Variants in ADARB2 observed in about 807,000 individuals in gnomAD.
ADARB2 encodes the protein inactive double-stranded RNA-specific editase B2.
In ADARB2, 25 loss-of-function variants were observed where a neutral mutation model predicts 62.2. That is an observed-to-expected ratio of 0.40 (90% CI 0.29 to 0.56). ADARB2 has a LOEUF of 0.56. ADARB2 is among the 20% of genes least tolerant of loss of function. The pLI, the probability that ADARB2 is intolerant of heterozygous loss-of-function variation, is 0.43. For missense variants in ADARB2, 1,071 were observed against 1,077.4 expected, an observed-to-expected ratio of 0.99 and a Z score of 0.08; for synonymous variants, 572 against 500.8, an observed-to-expected ratio of 1.14 and a Z score of -1.90.
chr10:1,303,525 G>C (rs557043010), intron 3 of ADARB2, among the ~76,000 whole-genome samples: 111 of 152,236 alleles, frequency 7.3e-4, no homozygotes, highest in African/African-American at 2.5e-3. Flanking sequence ...GAAATACAGA[G>C]AATGCCACAA....
chr10:1,695,845 CAT>C (rs111880709), intron 1 of ADARB2, among the ~76,000 whole-genome samples: 13,811 of 151,674 alleles, frequency 0.091, 762 homozygotes, highest in African/African-American at 0.15. Flanking sequence ...TGTGTGTGTA[CAT>C]GTGTGCATCC....
intron 1 of ADARB2, among the ~76,000 whole-genome samples, chr10:1,435,740 A>T (rs1461337801): frequency 6.6e-6 from 1 of 152,126 alleles, no homozygotes; most frequent in Non-Finnish European, 1.5e-5. Context: ...CCTGGCTGCC[A>T]CCTGCCTCCC....
At position 1,347,154 on chromosome 10, in the gene ADARB2, G is replaced by A. The variant is rs575819646; in HGVS notation, c.1077+15874C>T. 1.1e-4 allele frequency among the ~76,000 whole-genome samples: 16 copies of A among 152,292 alleles called. No individual in the cohort carries two copies. In the South Asian group the frequency reaches 2.3e-3, roughly 22 times the overall value. ...GGTTCTGCTCTGACTTCCCAGCCCC[G>A]CACGCCAGCCCTCAACGTGTTACTC... On this transcript the variant is annotated intron_variant, in intron 3 of 9. Transcript: ENST00000381312.
intron 1 of ADARB2, among the ~76,000 whole-genome samples, chr10:1,726,880 A>G (rs1385358844): frequency 6.6e-6 from 1 of 151,976 alleles, no homozygotes; most frequent in African/African-American, 2.4e-5. Context: ...GGCCAGGGAG[A>G]GGGCCCGGGG....
intron 3 of ADARB2, among the ~76,000 whole-genome samples, chr10:1,357,457 T>C (rs912099532): frequency 6.7e-6 from 1 of 150,346 alleles, no homozygotes; most frequent in Non-Finnish European, 1.5e-5. Flanking sequence ...TTTCTCACTT[T>C]TCAGTTGCAA....
At chr10:1,732,169 C>T (rs749600779) in intron 1 of ADARB2, among the ~76,000 whole-genome samples, 29 of 151,270 alleles carry the variant, frequency 1.9e-4, no homozygotes, top group Non-Finnish European at 2.8e-4. Context: ...CTGCTTTTAC[C>T]GTGTATATAC....
Position 1,312,678 on chromosome 10 carries a change from G to A in ADARB2, c.1078-41609C>T, listed in dbSNP as rs114858302. Reference sequence around the variant, plus strand: ...CCCATTTAGAGGGGAGGAAAAAGACGCAGGGAGGTGAGGCACCTGCCCAAC... The same window carrying A: ...CCCATTTAGAGGGGAGGAAAAAGACACAGGGAGGTGAGGCACCTGCCCAAC... On this transcript the variant is annotated intron_variant, in intron 3 of 9. Coordinates refer to ENST00000381312, the MANE Select transcript of ADARB2 (RefSeq NM_018702.4). Among the ~76,000 whole-genome samples the A allele has an allele frequency of 2.0e-3, 306 of 152,320 alleles. 2 individuals carry two copies. Among genetic ancestry groups the A allele is most frequent in the African/African-American group, 7.0e-3 (291 of 41,576 alleles).
At chr10:1,277,930 C>T (rs2131803215) in intron 3 of ADARB2, among the ~76,000 whole-genome samples, 1 of 148,342 alleles carries the variant, frequency 6.7e-6, no homozygotes, top group Non-Finnish European at 1.5e-5. Context: ...TTCTTTCTTT[C>T]TGCTTCCTTC....
At chr10:1,660,783 G>A (rs1007723260) in intron 1 of ADARB2, among the ~76,000 whole-genome samples, 2 of 152,148 alleles carry the variant, frequency 1.3e-5, no homozygotes, top group African/African-American at 4.8e-5. Context: ...TATACGTCTG[G>A]CCTTGCCTTC....
At chr10:1,506,325 A>AT (rs1831847290) in intron 1 of ADARB2, among the ~76,000 whole-genome samples, 1 of 152,192 alleles carries the variant, frequency 6.6e-6, no homozygotes, top group Non-Finnish European at 1.5e-5. Flanking sequence ...TTTATTATTT[A>AT]TGGGGGGGAA....
chr10:1,720,070 G>A (rs1835071349), intron 1 of ADARB2, among the ~76,000 whole-genome samples: 2 of 152,174 alleles, frequency 1.3e-5, no homozygotes, highest in Admixed American at 1.3e-4. Flanking sequence ...AAAGACACAT[G>A]CACTTATATG....
At chr10:1,196,841 A>G (rs1836917973) in intron 8 of ADARB2, among the ~76,000 whole-genome samples, 2 of 152,180 alleles carry the variant, frequency 1.3e-5, no homozygotes, top group Admixed American at 1.3e-4. Context: ...GCCTCAAGTG[A>G]TCCTCCCACC....
chr10:1,398,874 C>T lies in ADARB2; in HGVS notation c.101-19714G>A, dbSNP rs1362924009. Among the ~76,000 whole-genome samples the T allele has an allele frequency of 6.6e-6, 1 of 152,100 alleles. No individual in the cohort carries two copies. The highest frequency in any genetic ancestry group is 1.5e-5 in the Non-Finnish European group (1 of 68,016). On this transcript the variant is annotated intron_variant, in intron 1 of 9. Coordinates refer to ENST00000381312, the MANE Select transcript of ADARB2 (RefSeq NM_018702.4). This position sits in a 1 kb window ranked among gnomAD's most constrained non-coding sequence, Gnocchi z 4.1. ...CACGAGGTTGCTGGGGGAAACAGAC[C>T]GCTCTGTCTTTGGGGTCTTGATGGG...
chr10:1,445,614 G>T (rs1362872426), intron 1 of ADARB2, among the ~76,000 whole-genome samples: 1 of 152,202 alleles, frequency 6.6e-6, no homozygotes, highest in Non-Finnish European at 1.5e-5. Flanking sequence ...CATGCTGTGA[G>T]GAAATCAGAA....
At chr10:1,728,630 A>C (rs1444275222) in intron 1 of ADARB2, among the ~76,000 whole-genome samples, 2 of 152,184 alleles carry the variant, frequency 1.3e-5, no homozygotes, top group Non-Finnish European at 2.9e-5. Context: ...CTGAAGCAAA[A>C]ATTTGATTAA....
Position 1,681,003 on chromosome 10 carries a change from A to G in ADARB2, c.100+56048T>C, listed in dbSNP as rs535937243. On this transcript the variant is annotated intron_variant, in intron 1 of 9. Transcript: ENST00000381312. Reference sequence around the variant, plus strand: ...CGCCAATAGTGACGGATGTGTGTCTATAAACAAGGGGTTAGGGACCCCCCT... The same window carrying G: ...CGCCAATAGTGACGGATGTGTGTCTGTAAACAAGGGGTTAGGGACCCCCCT... 3.6e-4 allele frequency among the ~76,000 whole-genome samples: 55 copies of G among 152,320 alleles called. 1 individual carries two copies. In the South Asian group the frequency reaches 0.01, roughly 29 times the overall value.
intron 1 of ADARB2, among the ~76,000 whole-genome samples, chr10:1,507,744 C>T (rs752450024): frequency 4.4e-4 from 67 of 152,276 alleles, no homozygotes; most frequent in Admixed American, 1.4e-3. Flanking sequence ...GTCCTAAGTG[C>T]CAGATAGCGG....
intron 1 of ADARB2, among the ~76,000 whole-genome samples, chr10:1,614,685 G>T (rs1362433130): frequency 6.6e-6 from 1 of 152,226 alleles, no homozygotes; most frequent in African/African-American, 2.4e-5. Context: ...GCCGAGGCGG[G>T]CGGATCACGA....
intron 3 of ADARB2, among the ~76,000 whole-genome samples, chr10:1,307,308 A>G (rs1380600792): frequency 9.5e-6 from 1 of 105,476 alleles, no homozygotes; most frequent in Non-Finnish European, 2.2e-5. Context: ...ACATTTATGC[A>G]GCCAAAAAAC....
Sources: allele counts gnomAD v4.1 joint callset (sites outside exome capture counted in the v4.1 genomes callset), GRCh38; gene constraint gnomAD v4.1.1; non-coding constraint Gnocchi (gnomAD v3.1); transcripts MANE v1.5; gene names NCBI Gene and HGNC (gene_info 2026-07-23, HGNC 2026-07-21).